The following AK5 variants were observed in gnomAD, a reference collection of about 807,000 sequenced individuals.
The protein encoded by AK5 is adenylate kinase 5.
A neutral mutation model predicts 69.5 loss-of-function variants in AK5; 27 were observed. The observed-to-expected ratio is 0.39, with a 90% CI of 0.29 to 0.54. The LOEUF is 0.54. Among genes scored for constraint, AK5 ranks in the 20% least tolerant of loss-of-function variants. The pLI is 0.71. For synonymous variants in AK5, 260 were observed against 244.4 expected (o/e 1.06, Z -0.60); for missense variants, 531 against 700.4 (o/e 0.76, Z 2.73).
chr1:77,414,128 T>A (rs1200417074), intron 7 of AK5, among the ~76,000 whole-genome samples: 1 of 152,224 alleles, frequency 6.6e-6, no homozygotes, highest in Non-Finnish European at 1.5e-5. Flanking sequence ...CCTTTCATTT[T>A]TAGTCATTTG....
chr1:77,539,221 C>T (rs1364068402), intron 13 of AK5, among the ~76,000 whole-genome samples: 2 of 152,200 alleles, frequency 1.3e-5, no homozygotes, highest in Non-Finnish European at 2.9e-5. Flanking sequence ...GGGCCCAGAA[C>T]GGGAGCCTAG....
At chr1:77,475,210 T>C in intron 8 of AK5, among the ~76,000 whole-genome samples, 1 of 144,940 alleles carries the variant, frequency 6.9e-6, no homozygotes, top group African/African-American at 2.6e-5. Flanking sequence ...TGTGTGTGTG[T>C]GTGTATTCTA....
intron 8 of AK5, among the ~76,000 whole-genome samples, chr1:77,455,360 G>A (rs1359336646): frequency 6.6e-6 from 1 of 152,168 alleles, no homozygotes; most frequent in Non-Finnish European, 1.5e-5. Flanking sequence ...TTATAAAAGA[G>A]GCCCCAGCTT....
chr1:77,394,903 A>C (rs868218077), intron 6 of AK5, among the ~76,000 whole-genome samples: 1 of 152,230 alleles, frequency 6.6e-6, no homozygotes. Flanking sequence ...GAAGTTTACC[A>C]AAAAATTAAT....
At chr1:77,366,167 C>A (rs916144539) in intron 6 of AK5, among the ~76,000 whole-genome samples, 2 of 152,044 alleles carry the variant, frequency 1.3e-5, no homozygotes, top group Non-Finnish European at 2.9e-5. Context: ...GTCTTCTATG[C>A]CCATTATGAA....
intron 5 of AK5, among the ~76,000 whole-genome samples, chr1:77,332,016 C>G (rs1433040858): frequency 4.6e-5 from 7 of 152,158 alleles, no homozygotes; most frequent in Admixed American, 6.5e-5. Flanking sequence ...TGGCTCACTG[C>G]AGCCTTGACT....
intron 12 of AK5, among the ~76,000 whole-genome samples, chr1:77,525,189 G>A (rs532513280): frequency 5.3e-5 from 8 of 152,282 alleles, no homozygotes; most frequent in Admixed American, 3.3e-4. Context: ...GATTACAGGC[G>A]TGAGCTACCA....
chr1:77,554,906 A>T (rs191700512), intron 13 of AK5, among the ~76,000 whole-genome samples: 2 of 150,976 alleles, frequency 1.3e-5, no homozygotes, highest in Admixed American at 6.6e-5. Context: ...GTGAGCCACC[A>T]TGCCCAGCCT....
At chr1:77,517,080 A>AAG in intron 10 of AK5, among the ~76,000 whole-genome samples, 1 of 151,838 alleles carries the variant, frequency 6.6e-6, no homozygotes, top group East Asian at 1.9e-4. Context: ...AAAAAAAAAA[A>AAG]AAAGAAGAAG....
rs148747098 is a variant in AK5, at chr1:77,300,101, C to T, written c.699+2154C>T. 4.7e-3 allele frequency among the ~76,000 whole-genome samples: 715 copies of T among 152,178 alleles called. 2 individuals are homozygous for T. Among genetic ancestry groups the T allele is most frequent in the Non-Finnish European group, 7.7e-3 (525 of 68,018 alleles). ...GGTGGTGTATCAGAATCCTGAAATT[C>T]CTACTCATGTGACTTGCAGTAGGTG... On this transcript the variant is annotated intron_variant, in intron 5 of 13. Transcript: ENST00000354567.
intron 8 of AK5, among the ~76,000 whole-genome samples, chr1:77,475,465 T>TAA (rs1553154989): frequency 7.8e-5 from 1 of 12,834 alleles, no homozygotes; most frequent in Non-Finnish European, 1.5e-4. Flanking sequence ...CAAATATATA[T>TAA]TATATATGTA....
At chr1:77,506,299 T>C (rs1657024426) in intron 10 of AK5, among the ~76,000 whole-genome samples, 1 of 152,080 alleles carries the variant, frequency 6.6e-6, no homozygotes, top group Admixed American at 6.5e-5. Flanking sequence ...TTAATTTTTC[T>C]GTAGATTCAT....
At chr1:77,377,734 G>A (rs12567557) in intron 6 of AK5, among the ~76,000 whole-genome samples, 5 of 151,956 alleles carry the variant, frequency 3.3e-5, no homozygotes, top group African/African-American at 7.3e-5. Flanking sequence ...AAATACTAAT[G>A]GTTCCTTAAG....
chr1:77,446,633 C>T (rs570397527), intron 8 of AK5, among the ~76,000 whole-genome samples: 12 of 152,174 alleles, frequency 7.9e-5, no homozygotes, highest in East Asian at 5.8e-4. Flanking sequence ...TCACTTCCTT[C>T]GTTAAATTTA....
rs188148352 is a variant in AK5, at chr1:77,381,092, C to T, written c.892-29889C>T. 2.9e-3 allele frequency among the ~76,000 whole-genome samples: 446 copies of T among 152,156 alleles called. 2 individuals are homozygous for T. The highest frequency in any genetic ancestry group is 0.01 in the African/African-American group (425 of 41,514). On this transcript the variant is annotated intron_variant, in intron 6 of 13. Coordinates refer to ENST00000354567, the MANE Select transcript of AK5 (RefSeq NM_174858.3). ...ATGCTATAGATTGAATGTTTGTGTT[C>T]CCCCCCGAATTTGTACATTGGAACC...
chr1:77,499,703 G>A (rs1447951656), intron 10 of AK5, among the ~76,000 whole-genome samples: 2 of 152,038 alleles, frequency 1.3e-5, no homozygotes, highest in East Asian at 1.9e-4. Flanking sequence ...GAAAGGAAGA[G>A]AATGTTCAGC....
chr1:77,422,907 G>T (rs2100593169), intron 8 of AK5, among the ~76,000 whole-genome samples: 1 of 152,214 alleles, frequency 6.6e-6, no homozygotes, highest in East Asian at 1.9e-4. Context: ...GAAAATGGTG[G>T]TGACAACCCC....
chr1:77,406,845 G>A (rs1025131590), intron 6 of AK5, among the ~76,000 whole-genome samples: 1 of 152,060 alleles, frequency 6.6e-6, no homozygotes, highest in African/African-American at 2.4e-5. Context: ...GCTCAACAGT[G>A]GGGAATAATT....
intron 8 of AK5, among the ~76,000 whole-genome samples, chr1:77,453,780 C>T (rs1031705785): frequency 4.6e-5 from 7 of 152,184 alleles, no homozygotes; most frequent in South Asian, 2.1e-4. Context: ...GTCAGCCAAT[C>T]TTTTAATGGG....
Sources: allele counts gnomAD v4.1 joint callset (sites outside exome capture counted in the v4.1 genomes callset), GRCh38; gene constraint gnomAD v4.1.1; transcripts MANE v1.5; gene names NCBI Gene and HGNC (gene_info 2026-07-23, HGNC 2026-07-21).